Variants in MYO3B observed in about 807,000 individuals in gnomAD.
MYO3B encodes myosin IIIB, also known as myosin-IIIb.
Under a neutral mutation model 174.6 loss-of-function variants are expected in MYO3B, and 156 were observed. The observed-to-expected ratio is 0.89, with a 90% CI of 0.78 to 1.02. The LOEUF (loss-of-function observed/expected upper bound fraction) is 1.02. Ranked by LOEUF, MYO3B falls within the 50% of genes least tolerant of loss-of-function variation. The probability of loss-of-function intolerance (pLI) is 0.00; values close to 1 mark genes in which losing one functional copy is unlikely to be tolerated. For missense variants in MYO3B, 1,632 were observed against 1,639.4 expected, an observed-to-expected ratio of 1.00 and a Z score of 0.08; for synonymous variants, 563 against 569.1, an observed-to-expected ratio of 0.99 and a Z score of 0.15.
chr2:170,359,010 A>T (rs889339297), intron 8 of MYO3B, among the ~76,000 whole-genome samples: 3 of 152,186 alleles, frequency 2.0e-5, no homozygotes, highest in African/African-American at 7.2e-5. Flanking sequence ...AAAGTAAAAG[A>T]ATAACTAAGA....
At chr2:170,338,431 C>T (rs2093958720) in intron 8 of MYO3B, among the ~76,000 whole-genome samples, 1 of 152,002 alleles carries the variant, frequency 6.6e-6, no homozygotes, top group African/African-American at 2.4e-5. Context: ...TTTATAGATT[C>T]CTTCTTGACC....
chr2:170,591,547 T>A (rs1047141592), intron 32 of MYO3B, among the ~76,000 whole-genome samples: 2 of 151,910 alleles, frequency 1.3e-5, no homozygotes, highest in African/African-American at 4.8e-5. Context: ...GCAGGTCTAG[T>A]GTAGAAAGGG....
At chr2:170,267,560 T>C (rs13412788) in intron 7 of MYO3B, among the ~76,000 whole-genome samples, 2,708 of 152,284 alleles carry the variant, frequency 0.018, 89 homozygotes, top group African/African-American at 0.061. Context: ...ATAAATATCA[T>C]TATTCACCCA....
intron 27 of MYO3B, 137 bp from the exon 28 acceptor site, chr2:170,501,646 CCT>C: frequency 1.6e-6 from 1 of 607,436 alleles, no homozygotes; most frequent in Non-Finnish European, 3.0e-6. Flanking sequence ...AGATCACATA[CCT>C]CTGCTTATTT....
At chr2:170,423,802 G>A (rs1350448931) in intron 22 of MYO3B, among the ~76,000 whole-genome samples, 1 of 151,888 alleles carries the variant, frequency 6.6e-6, no homozygotes, top group Non-Finnish European at 1.5e-5. Flanking sequence ...GATGGTCTTG[G>A]TCTCTTTACT....
At chr2:170,482,377 A>G (rs909864169) in intron 25 of MYO3B, among the ~76,000 whole-genome samples, 3 of 151,206 alleles carry the variant, frequency 2.0e-5, no homozygotes, top group African/African-American at 7.3e-5. Flanking sequence ...CTGGTCTTGA[A>G]CTCCTGACTT....
chr2:170,639,182 A>T (rs1697764619), intron 32 of MYO3B, among the ~76,000 whole-genome samples: 1 of 152,204 alleles, frequency 6.6e-6, no homozygotes, highest in Admixed American at 6.5e-5. Flanking sequence ...GCTTTTACCC[A>T]GGACATTGTT....
At chr2:170,566,471 T>C (rs1406512139) in intron 32 of MYO3B, among the ~76,000 whole-genome samples, 1 of 152,206 alleles carries the variant, frequency 6.6e-6, no homozygotes, top group Non-Finnish European at 1.5e-5. Flanking sequence ...TGAATATGCA[T>C]TACAGCTAGA....
chr2:170,406,285 A>G (rs1003538479), intron 21 of MYO3B, among the ~76,000 whole-genome samples: 1 of 152,172 alleles, frequency 6.6e-6, no homozygotes, highest in Non-Finnish European at 1.5e-5. Flanking sequence ...GGCTCTGCTG[A>G]GGCTGTAGGT....
chr2:170,395,212 G>T (rs1267660656), intron 16 of MYO3B, among the ~76,000 whole-genome samples: 7 of 152,096 alleles, frequency 4.6e-5, no homozygotes, highest in Admixed American at 4.6e-4. Flanking sequence ...CCTTGTGGAG[G>T]GCTGGGGGAT....
At chr2:170,534,651 G>T (rs1458044093) in intron 30 of MYO3B, among the ~76,000 whole-genome samples, 2 of 152,100 alleles carry the variant, frequency 1.3e-5, no homozygotes, top group Non-Finnish European at 2.9e-5. Context: ...TGTTGCCCAG[G>T]CTGGTCTTGA....
chr2:170,265,726 C>A (rs996252658), intron 7 of MYO3B, among the ~76,000 whole-genome samples: 3 of 152,172 alleles, frequency 2.0e-5, no homozygotes, highest in African/African-American at 4.8e-5. Flanking sequence ...TGAGAGTCTC[C>A]TTTTACCTTC....
At chr2:170,609,719 T>A (rs1487016832) in intron 32 of MYO3B, among the ~76,000 whole-genome samples, 3 of 152,240 alleles carry the variant, frequency 2.0e-5, no homozygotes, top group Non-Finnish European at 4.4e-5. Context: ...AGGTGGCCAC[T>A]GCCAGCCCTG....
intron 32 of MYO3B, among the ~76,000 whole-genome samples, chr2:170,584,138 A>G (rs1420176342): frequency 6.6e-6 from 1 of 152,216 alleles, no homozygotes; most frequent in Admixed American, 6.5e-5. Context: ...GGCCAATTAA[A>G]TGAATCTGAA....
Position 170,564,585 on chromosome 2 carries a change from G to A in MYO3B, c.3733+20597G>A, listed in dbSNP as rs979572744. On this transcript the variant is annotated intron_variant, in intron 32 of 34. Coordinates refer to ENST00000408978, the MANE Select transcript of MYO3B (RefSeq NM_138995.5). ...TGGTATTCCAGAAATAAGAGAAATG[G>A]AAAAGACACACTTTGTTAGCATGCT... Among the ~76,000 whole-genome samples the A allele has an allele frequency of 3.9e-5, 6 of 152,264 alleles. No homozygotes were observed. The South Asian group carries it at 1.0e-3, about 26-fold the overall frequency.
intron 22 of MYO3B, among the ~76,000 whole-genome samples, chr2:170,419,388 A>C (rs1353377709): frequency 6.6e-6 from 1 of 152,198 alleles, no homozygotes; most frequent in African/African-American, 2.4e-5. Flanking sequence ...GTTTCTTGTG[A>C]GGCCTCTCTC....
In MYO3B at chr2:170,291,878, T is replaced by G. The variant is rs567562560; in HGVS notation, c.750-43507T>G. ...GGATCTTCACTTTGTCCTTGACCTT[T>G]AAGATTTTGATTATTATATGCTTTG... On this transcript the variant is annotated intron_variant, in intron 7 of 34. Coordinates refer to ENST00000408978, the MANE Select transcript of MYO3B (RefSeq NM_138995.5). Among the ~76,000 whole-genome samples, 9 of 152,268 alleles carry G rather than the reference T, an allele frequency of 5.9e-5. No homozygotes were observed. In the East Asian group the frequency reaches 1.7e-3, roughly 29 times the overall value.
At chr2:170,449,487 A>C (rs1655212976) in intron 23 of MYO3B, among the ~76,000 whole-genome samples, 1 of 152,226 alleles carries the variant, frequency 6.6e-6, no homozygotes, top group African/African-American at 2.4e-5. Context: ...TCAAAAAAAA[A>C]GTTTTCTTGG....
chr2:170,436,537 C>T (rs936357010), intron 22 of MYO3B, among the ~76,000 whole-genome samples: 2 of 152,126 alleles, frequency 1.3e-5, no homozygotes, highest in Non-Finnish European at 2.9e-5. Context: ...CTGAAGATAT[C>T]GCCAGAGAAA....
Sources: gnomAD v4.1 joint callset for allele counts (sites outside exome capture counted in the v4.1 genomes callset) on GRCh38, gnomAD v4.1.1 for gene constraint, MANE v1.5 for transcripts, NCBI Gene and HGNC (gene_info 2026-07-23, HGNC 2026-07-21) for gene names.